LIMK2: variants seen among roughly 807,000 people sequenced by gnomAD.
The protein encoded by LIMK2 is LIM domain kinase 2.
In LIMK2, 35 loss-of-function variants were observed where a neutral mutation model predicts 75.7. The observed-to-expected ratio is 0.46, with a 90% CI of 0.35 to 0.61. The LOEUF is 0.61. Ranked by LOEUF, LIMK2 falls within the 20% of genes least tolerant of loss-of-function variation. The pLI, the probability that LIMK2 is intolerant of heterozygous loss-of-function variation, is 0.00. For synonymous variants in LIMK2, 301 were observed against 319.2 expected, an observed-to-expected ratio of 0.94 and a Z score of 0.61; for missense variants, 623 against 831.0, an observed-to-expected ratio of 0.75 and a Z score of 3.08.
intron 14 of LIMK2, 49 bp downstream of exon 14, chr22:31,273,556 C>A: frequency 6.7e-7 from 1 of 1,499,632 alleles, no homozygotes; most frequent in South Asian, 1.1e-5. Context: ...CCTAGCAGCT[C>A]TGCCTTCCCT....
At chr22:31,258,000 A>G (rs1045863312) in intron 2 of LIMK2, among the ~76,000 whole-genome samples, 1 of 152,232 alleles carries the variant, frequency 6.6e-6, no homozygotes, top group Admixed American at 6.5e-5. Flanking sequence ...TCATTTTTCT[A>G]GGGGAGGCTT....
intron 15 of LIMK2, chr22:31,276,854 A>T (rs771579294): frequency 6.2e-7 from 1 of 1,612,152 alleles, no homozygotes. Context: ...GTGAGGCGCC[A>T]AGGGAAGGTC....
intron 2 of LIMK2, among the ~76,000 whole-genome samples, chr22:31,235,996 C>T (rs1038148572): frequency 6.6e-6 from 1 of 152,216 alleles, no homozygotes. Flanking sequence ...TCATTTTTCT[C>T]ATCTAGAAAA....
intron 1 of LIMK2, among the ~76,000 whole-genome samples, chr22:31,218,861 G>A (rs1251622219): frequency 6.6e-6 from 1 of 152,188 alleles, no homozygotes; most frequent in Non-Finnish European, 1.5e-5. Context: ...CTGGTGGAAC[G>A]TGAGAAGCTT....
intron 12 of LIMK2, among the ~76,000 whole-genome samples, chr22:31,271,591 C>T (rs1252242649): frequency 6.6e-6 from 1 of 152,134 alleles, no homozygotes; most frequent in Non-Finnish European, 1.5e-5. Context: ...AGTAAATTTA[C>T]AGGGACCAGT....
chr22:31,273,269 C>T (rs1203759062), intron 13 of LIMK2, among the ~76,000 whole-genome samples, 183 bp from the exon 14 acceptor site: 1 of 152,196 alleles, frequency 6.6e-6, no homozygotes, highest in Admixed American at 6.5e-5. Context: ...CTCTCCAAGG[C>T]AGTTCACCTA....
At chr22:31,220,399 A>G (rs188486405) in intron 1 of LIMK2, among the ~76,000 whole-genome samples, 12 of 152,324 alleles carry the variant, frequency 7.9e-5, no homozygotes, top group African/African-American at 2.6e-4. Context: ...AGTTGGATCC[A>G]AATTTTCAGT....
chr22:31,254,701 GT>G (rs1331784590), intron 2 of LIMK2, among the ~76,000 whole-genome samples: 1 of 152,222 alleles, frequency 6.6e-6, no homozygotes, highest in East Asian at 1.9e-4. Flanking sequence ...GCTCACACCT[GT>G]AATCGCAGCA....
intron 2 of LIMK2, among the ~76,000 whole-genome samples, chr22:31,235,263 C>T (rs1264794259): frequency 6.6e-6 from 1 of 150,938 alleles, no homozygotes; most frequent in East Asian, 1.9e-4. Context: ...TGCCCTTCCC[C>T]TTCCCCTTCC....
intron 2 of LIMK2, among the ~76,000 whole-genome samples, chr22:31,251,867 G>C (rs1036027552): frequency 6.6e-6 from 1 of 152,092 alleles, no homozygotes; most frequent in African/African-American, 2.4e-5. Flanking sequence ...CTCTCCAGGT[G>C]CCCTCAGGCT....
chr22:31,257,874 T>C (rs2048800432), intron 2 of LIMK2, among the ~76,000 whole-genome samples: 1 of 152,256 alleles, frequency 6.6e-6, no homozygotes, highest in African/African-American at 2.4e-5. Context: ...TTTTGTTCAT[T>C]GAAGTATCTG....
chr22:31,276,760 G>C, intron 15 of LIMK2: 1 of 1,584,394 alleles, frequency 6.3e-7, no homozygotes. Flanking sequence ...CCAGGCAGTG[G>C]CGGCCAAGGA....
intron 2 of LIMK2, among the ~76,000 whole-genome samples, chr22:31,254,753 G>T (rs1180815531): frequency 6.6e-6 from 1 of 152,186 alleles, no homozygotes; most frequent in Non-Finnish European, 1.5e-5. Flanking sequence ...GAGGTCGGGA[G>T]TTCGAGACCA....
intron 2 of LIMK2, among the ~76,000 whole-genome samples, chr22:31,242,012 A>G (rs986834790): frequency 6.6e-6 from 1 of 152,208 alleles, no homozygotes; most frequent in Admixed American, 6.5e-5. Flanking sequence ...AGCTCTAGCA[A>G]GGTATTCAGG....
At chr22:31,232,798 C>G (rs2048540774) in intron 2 of LIMK2, among the ~76,000 whole-genome samples, 1 of 151,988 alleles carries the variant, frequency 6.6e-6, no homozygotes, top group Non-Finnish European at 1.5e-5. Context: ...CAGGGTCTTG[C>G]TCTGTTGCCC....
intron 11 of LIMK2, among the ~76,000 whole-genome samples, chr22:31,268,903 G>A (rs2048924946): frequency 6.6e-6 from 1 of 152,172 alleles, no homozygotes; most frequent in Admixed American, 6.5e-5. Flanking sequence ...CCTTCACATG[G>A]GGGTCCATGA....
intron 1 of LIMK2, among the ~76,000 whole-genome samples, chr22:31,225,069 C>T (rs989079073): frequency 1.3e-5 from 2 of 152,206 alleles, no homozygotes; most frequent in Non-Finnish European, 2.9e-5. Context: ...ATGAGAATCT[C>T]ACTAATGGCT....
rs2049069364 is a variant in LIMK2, at chr22:31,279,889, C to CT, written c.*1449dup. ...GTCATCTCTGGTCAGAGTTTACTTG[C>CT]TATATAGACTGTACTTATGTGTGAA... is the stretch of plus-strand genomic sequence containing the variant. On this transcript the variant is annotated 3_prime_UTR_variant, in exon 16 of 16. Transcript: ENST00000331728. The CT allele has an allele frequency of 6.6e-6, 1 of 152,180 alleles. No homozygotes were observed. The highest frequency in any genetic ancestry group is 6.5e-5 in the Admixed American group (1 of 15,292). The allele number at this position is 152,180 out of a possible 1,614,324, so 9.4% of individuals were successfully genotyped here. A position where few individuals can be genotyped will look rare whatever the true frequency, so the allele number is the denominator to read the frequency against.
chr22:31,249,421 C>T (rs2048703142), intron 2 of LIMK2, among the ~76,000 whole-genome samples: 1 of 152,080 alleles, frequency 6.6e-6, no homozygotes, highest in African/African-American at 2.4e-5. Flanking sequence ...CCTCCTCAGT[C>T]CCTAGGCCTA....
Sources: gnomAD v4.1 joint callset for allele counts (sites outside exome capture counted in the v4.1 genomes callset) on GRCh38, gnomAD v4.1.1 for gene constraint, MANE v1.5 for transcripts, NCBI Gene and HGNC (gene_info 2026-07-23, HGNC 2026-07-21) for gene names.